Variants in ZC3H12B observed in about 807,000 individuals in gnomAD.
The protein encoded by ZC3H12B is zinc finger CCCH-type containing 12B.
ZC3H12B carries 7 observed loss-of-function variants against 43.9 expected under a neutral mutation model. The ratio of observed to expected loss-of-function variants is 0.16; its 90% CI spans 0.09 to 0.30. ZC3H12B has a LOEUF of 0.30. ZC3H12B is among the 10% of genes least tolerant of loss of function. ZC3H12B has a pLI of 1.00. For missense variants in ZC3H12B, 475 were observed against 670.2 expected, an observed-to-expected ratio of 0.71 and a Z score of 3.22; for synonymous variants, 222 against 241.7, an observed-to-expected ratio of 0.92 and a Z score of 0.76.
the ZC3H12B span, among the ~76,000 whole-genome samples, chrX:65,321,406 G>T: frequency 8.9e-6 from 1 of 111,863 alleles, no homozygotes; most frequent in African/African-American, 3.2e-5. Context: ...ATTAACAGGT[G>T]CTGGCAAGGT....
chrX:65,296,253 G>A, the ZC3H12B span, among the ~76,000 whole-genome samples: 1 of 111,417 alleles, frequency 9.0e-6, no homozygotes, highest in Non-Finnish European at 1.9e-5. Flanking sequence ...AAGTAACTCA[G>A]GAATGGAAAA....
chrX:65,399,905 A>G (rs1442696614), intron 3 of ZC3H12B, among the ~76,000 whole-genome samples: 2 of 111,530 alleles, frequency 1.8e-5, no homozygotes, highest in Non-Finnish European at 3.8e-5. Flanking sequence ...GGGGGTCATT[A>G]TGTTAAGTAA....
exon 5 of ZC3H12B, chrX:65,503,974 T>C (rs2068401780): frequency 1.8e-5 from 2 of 112,352 alleles, no homozygotes. Flanking sequence ...ATATATCCAA[T>C]TTAGAGAGCA....
At chrX:65,211,258 C>A in the ZC3H12B span, among the ~76,000 whole-genome samples, 3 of 108,698 alleles carry the variant, frequency 2.8e-5, no homozygotes, top group Non-Finnish European at 5.7e-5. Context: ...CTGTAGGTTG[C>A]CTGTTCACTC....
At chrX:65,163,517 T>C in the ZC3H12B span, among the ~76,000 whole-genome samples, 2 of 111,363 alleles carry the variant, frequency 1.8e-5, no homozygotes, top group African/African-American at 6.5e-5. Flanking sequence ...TGCAGTTTGA[T>C]CTCATACTGC....
At chrX:65,434,711 C>T (rs955302183) in intron 3 of ZC3H12B, among the ~76,000 whole-genome samples, 2 of 111,586 alleles carry the variant, frequency 1.8e-5, no homozygotes, top group African/African-American at 6.5e-5. Flanking sequence ...TCTATAGGGG[C>T]CTGCTAGAAC....
At chrX:65,435,576 A>C (rs2067209519) in intron 3 of ZC3H12B, among the ~76,000 whole-genome samples, 1 of 110,853 alleles carries the variant, frequency 9.0e-6, no homozygotes, top group African/African-American at 3.3e-5. Context: ...TTAAAATTTT[A>C]TTTCTATAGA....
At chrX:65,069,856 T>C in the ZC3H12B span, among the ~76,000 whole-genome samples, 1 of 111,730 alleles carries the variant, frequency 9.0e-6, no homozygotes, top group Non-Finnish European at 1.9e-5. Flanking sequence ...TTTGCCTGTA[T>C]TTTGTTGAAG....
At chrX:65,461,761 G>A (rs982212193) in intron 3 of ZC3H12B, among the ~76,000 whole-genome samples, 2 of 111,199 alleles carry the variant, frequency 1.8e-5, no homozygotes, top group Non-Finnish European at 3.8e-5. Context: ...TAAGTGATGT[G>A]TTAATGGGTG....
chrX:65,387,736 G>T (rs371091327), intron 2 of ZC3H12B, among the ~76,000 whole-genome samples: 2 of 100,068 alleles, frequency 2.0e-5, no homozygotes, highest in Non-Finnish European at 4.1e-5. Context: ...TTCCTAGCCT[G>T]GATGGTCTTT....
At chrX:65,372,872 A>G (rs142600745) in intron 2 of ZC3H12B, among the ~76,000 whole-genome samples, 74 of 112,166 alleles carry the variant, frequency 6.6e-4, no homozygotes, top group Non-Finnish European at 1.3e-3. Flanking sequence ...ATTACAATAC[A>G]CAGGAAAAGA....
chrX:65,100,592 AAAC>A, the ZC3H12B span, among the ~76,000 whole-genome samples: 3 of 104,333 alleles, frequency 2.9e-5, no homozygotes, highest in African/African-American at 7.1e-5. Context: ...AAAAAAAAAA[AAAC>A]AGGGGTTACA....
the ZC3H12B span, among the ~76,000 whole-genome samples, chrX:65,081,135 C>CA: frequency 2.2e-4 from 23 of 103,181 alleles, no homozygotes; most frequent in Non-Finnish European, 4.0e-4. Flanking sequence ...TATGGATACA[C>CA]AAAAAATAAA....
chrX:65,468,527 A>C (rs1190877781), intron 3 of ZC3H12B, among the ~76,000 whole-genome samples: 3 of 99,422 alleles, frequency 3.0e-5, no homozygotes, highest in Non-Finnish European at 6.0e-5. Flanking sequence ...TCTGTCACGC[A>C]GGCTGGAGTG....
At chrX:65,183,715 G>C in the ZC3H12B span, among the ~76,000 whole-genome samples, 2 of 111,661 alleles carry the variant, frequency 1.8e-5, no homozygotes, top group South Asian at 3.7e-4. Context: ...TTGGTTGTTT[G>C]TTATCTGTCT....
the ZC3H12B span, among the ~76,000 whole-genome samples, chrX:65,166,126 A>G: frequency 7.2e-5 from 8 of 111,016 alleles, no homozygotes; most frequent in African/African-American, 2.6e-4. Context: ...TACATGTGCC[A>G]TGTTGGTGTG....
the ZC3H12B span, among the ~76,000 whole-genome samples, chrX:65,183,880 T>C: frequency 1.8e-5 from 2 of 111,453 alleles, no homozygotes; most frequent in African/African-American, 6.5e-5. Context: ...TGGGGAAGTT[T>C]TTACCTGATG....
At chrX:65,089,052 C>T in the ZC3H12B span, among the ~76,000 whole-genome samples, 2 of 111,658 alleles carry the variant, frequency 1.8e-5, no homozygotes, top group Non-Finnish European at 3.8e-5. Flanking sequence ...ATGGAACAAA[C>T]TTTTTAGTTC....
In ZC3H12B at chrX:65,489,423, G is replaced by GT. The variant is rs748229624; in HGVS notation, c.608+21dup. On this transcript the variant is annotated intron_variant, in intron 1 of 4. Transcript: ENST00000338957. ...TGTGGCAATGAGGTAAGCCTGGTAT[G>GT]TTTTTTTCTCCCATTTTAAAAAACT... 1.7e-6 allele frequency: 2 copies of GT among 1,159,305 alleles called. No homozygotes were observed. The highest frequency in any genetic ancestry group is 3.0e-5 in the East Asian group (1 of 33,329).
Sources: allele counts gnomAD v4.1 joint callset (sites outside exome capture counted in the v4.1 genomes callset), GRCh38; gene constraint gnomAD v4.1.1; transcripts MANE v1.5; gene names NCBI Gene and HGNC (gene_info 2026-07-23, HGNC 2026-07-21).